The following FOXM1 variants were observed in gnomAD, a reference collection of about 807,000 sequenced individuals.
FOXM1 encodes forkhead box M1, also known as forkhead box protein M1.
FOXM1 carries 25 observed loss-of-function variants against 63.6 expected under a neutral mutation model. The ratio of observed to expected loss-of-function variants is 0.39; its 90% CI spans 0.29 to 0.55. The LOEUF (loss-of-function observed/expected upper bound fraction) is 0.55. Ranked by LOEUF, FOXM1 falls within the 20% of genes least tolerant of loss-of-function variation. The pLI, the probability that FOXM1 is intolerant of heterozygous loss-of-function variation, is 0.60. For missense variants in FOXM1, 879 were observed against 958.7 expected (o/e 0.92, Z 1.10); for synonymous variants, 387 against 376.9 (o/e 1.03, Z -0.31).
chr12:2,860,799 G>T (rs1242531781), intron 8 of FOXM1, among the ~76,000 whole-genome samples: 1 of 151,312 alleles, frequency 6.6e-6, no homozygotes, highest in Non-Finnish European at 1.5e-5. Flanking sequence ...TTGAACCCGG[G>T]AGGCAGAGGT....
At chr12:2,867,973 C>G (rs576340573) in intron 4 of FOXM1, among the ~76,000 whole-genome samples, 2 of 129,718 alleles carry the variant, frequency 1.5e-5, no homozygotes, top group East Asian at 4.2e-4. Flanking sequence ...GAGCGAGACT[C>G]TGTCTCAAAA....
At chr12:2,873,040 C>G (rs777929447) in intron 2 of FOXM1, among the ~76,000 whole-genome samples, 6 of 152,082 alleles carry the variant, frequency 3.9e-5, no homozygotes, top group Non-Finnish European at 7.4e-5. Context: ...GGTGACAGTG[C>G]GAGACCGCAT....
intron 3 of FOXM1, among the ~76,000 whole-genome samples, chr12:2,870,828 G>A (rs922594232): frequency 3.3e-5 from 5 of 151,732 alleles, no homozygotes; most frequent in Admixed American, 1.3e-4. Flanking sequence ...GCGTGGCAGC[G>A]GGCACCTGTA....
intron 1 of FOXM1, chr12:2,876,411 T>G (rs1253569823): frequency 6.6e-6 from 1 of 152,230 alleles, no homozygotes; most frequent in Non-Finnish European, 1.5e-5. Flanking sequence ...TGCCAACACT[T>G]TCTTGCCCGG....
chr12:2,862,721 T>G (rs1284204606), intron 8 of FOXM1, among the ~76,000 whole-genome samples: 6 of 151,740 alleles, frequency 4.0e-5, no homozygotes, highest in African/African-American at 7.3e-5. Flanking sequence ...TTTTTTTTTT[T>G]GTTACAGACA....
In FOXM1 at chr12:2,858,294, T is replaced by C. The variant is rs1289599658; in HGVS notation, c.*344A>G. On this transcript the variant is annotated 3_prime_UTR_variant, in exon 9 of 9. Transcript: ENST00000359843. ...ATTAGAGGATAATTTGGAGAATTTA[T>C]ACTATTTACACGGACCACCCTGCAA... 1 of 225,880 alleles carries C rather than the reference T, an allele frequency of 4.4e-6. No homozygotes were observed. The highest frequency in any genetic ancestry group is 2.3e-5 in the African/African-American group (1 of 44,196). The allele number at this position is 225,880 out of a possible 1,614,324, so 14.0% of individuals were successfully genotyped here.
rs192659481 is a variant in FOXM1, at chr12:2,861,240, C to T, written c.1267-1577G>A. On this transcript the variant is annotated intron_variant, in intron 8 of 8. Coordinates refer to ENST00000359843, the MANE Select transcript of FOXM1 (RefSeq NM_021953.4). ...AAAAATGGGCAATGTTCATAAATAA[C>T]CAATTCATAGAGGACAATTCCAAGT... 4.7e-4 allele frequency: 319 copies of T among 675,344 alleles called. 1 individual carries two copies. The African/African-American group carries it at 4.9e-3, about 10-fold the overall frequency. The allele number at this position is 675,344 out of a possible 1,614,324, so 41.8% of individuals were successfully genotyped here.
At chr12:2,862,699 TAAAAAAAAA>T (rs1334387915) in intron 8 of FOXM1, among the ~76,000 whole-genome samples, 2 of 144,252 alleles carry the variant, frequency 1.4e-5, no homozygotes, top group East Asian at 4.1e-4. Flanking sequence ...CCTGGCTAAT[TAAAAAAAAA>T]TTTTTTTTTT....
intron 2 of FOXM1, 141 bp downstream of exon 2, chr12:2,873,836 C>G (rs2098137430): frequency 5.2e-6 from 5 of 962,738 alleles, no homozygotes; most frequent in Non-Finnish European, 7.7e-6. Flanking sequence ...CCTCAGCCTC[C>G]CAAAGTGCTG....
At chr12:2,868,437 T>TA in intron 4 of FOXM1, 126 bp downstream of exon 4, 1 of 671,384 alleles carries the variant, frequency 1.5e-6, no homozygotes, top group Non-Finnish European at 2.5e-6. Flanking sequence ...ATCTAAAAGA[T>TA]ACATTTGTTT....
At position 2,874,099 on chromosome 12, in the gene FOXM1, G is replaced by T. The variant is rs1375790093; in HGVS notation, c.380C>A (p.Thr127Asn). Residue 127 changes from threonine to asparagine, a missense_variant, in exon 2 of 9, where the codon ACC becomes AAC. Transcript: ENST00000359843. This position sits in a 1 kb window ranked among gnomAD's most constrained non-coding sequence, Gnocchi z 4.3. Reference sequence around the variant, plus strand: ...TTCTGTCCTTTTGGCATCATAGCTGGTTTGGGTTTGAGGCCGGAGTCCTGG... The same window carrying T: ...TTCTGTCCTTTTGGCATCATAGCTGTTTTGGGTTTGAGGCCGGAGTCCTGG... ...QPPGLRPQTQ[T>N]SYDAKRTEVT... The T allele has an allele frequency of 1.2e-6, 2 of 1,614,184 alleles. No individual in the cohort carries two copies. Among genetic ancestry groups the T allele is most frequent in the Non-Finnish European group, 8.5e-7 (1 of 1,180,042 alleles).
chr12:2,865,357 A>AT lies in FOXM1; in HGVS notation c.1017dup (p.Ser340IlefsTer75). ...GAGCCAGAGGGAAAGAACCTTACTG[A>AT]TTCCAAGTGCTCGGGCAATTGTGGA... On this transcript the variant is annotated frameshift_variant, in exon 6 of 9. Transcript: ENST00000359843. LOFTEE classifies it high-confidence loss of function. 6.2e-7 allele frequency: 1 copy of AT among 1,610,582 alleles called. No homozygotes were observed. Among genetic ancestry groups the AT allele is most frequent in the Non-Finnish European group, 8.5e-7 (1 of 1,178,130 alleles).
intron 8 of FOXM1, chr12:2,863,750 C>T (rs1488601204): frequency 6.8e-6 from 1 of 148,100 alleles, no homozygotes; most frequent in Non-Finnish European, 1.5e-5. Context: ...CTCGCTCTGT[C>T]ACCCAGGCTG....
In FOXM1 at chr12:2,864,702, G is replaced by T; in HGVS notation, c.1071C>A (p.Thr357=). The T allele has an allele frequency of 1.2e-6, 2 of 1,614,148 alleles. No homozygotes were observed. The highest frequency in any genetic ancestry group is 2.2e-5 in the South Asian group (2 of 91,072). Reference sequence around the variant, plus strand: ...ACTAACGTGCGCCCAGGGGGAGTTCGGTTTTGATGGTCATGTTCCGGCGGA... The same window carrying T: ...ACTAACGTGCGCCCAGGGGGAGTTCTGTTTTGATGGTCATGTTCCGGCGGA... The part of the protein sequence containing the change: ...PELRRNMTIK[T]ELPLGARRKM... The change falls in exon 7 of 9, where the codon ACC becomes ACA. Residue 357 remains threonine (T), a synonymous_variant. Transcript: ENST00000359843. The surrounding 1 kb of genome is among the most constrained non-coding windows in gnomAD (Gnocchi z 5.1).
In FOXM1 at chr12:2,858,767, G is replaced by A; in HGVS notation, c.2163C>T (p.Gly721=). 1 of 1,614,224 alleles carries A rather than the reference G, an allele frequency of 6.2e-7. No homozygotes were observed. Among genetic ancestry groups the A allele is most frequent in the Middle Eastern group, 1.6e-4 (1 of 6,062 alleles). The change falls in exon 9 of 9, where the codon GGC becomes GGT. Residue 721 remains glycine (G), a synonymous_variant. Coordinates refer to ENST00000359843, the MANE Select transcript of FOXM1 (RefSeq NM_021953.4). The part of the protein sequence containing the change: ...GLAANRSLTE[G]LVLDTMNDSL... ...TGTCATTCATTGTGTCCAGGACCAG[G>A]CCTTCTGTCAGAGAACGATTGGCTG...
chr12:2,868,972 T>C (rs2098128345), intron 3 of FOXM1, among the ~76,000 whole-genome samples: 1 of 152,192 alleles, frequency 6.6e-6, no homozygotes, highest in East Asian at 1.9e-4. Context: ...GGTTTTGTCA[T>C]CCATCATTTT....
chr12:2,858,597 G>A lies in FOXM1; in HGVS notation c.*41C>T, dbSNP rs374706964. 123 of 1,572,396 alleles carry A rather than the reference G, an allele frequency of 7.8e-5. No individual in the cohort carries two copies. The highest frequency in any genetic ancestry group is 3.5e-4 in the Middle Eastern group (2 of 5,716). On this transcript the variant is annotated 3_prime_UTR_variant, in exon 9 of 9. Transcript: ENST00000359843. ...GGGTGCACTGAGCCTTGGAGTGCCC[G>A]GGATGGTGGACAGCTTGAGCACAGG...
In FOXM1 at chr12:2,872,472, G is replaced by A. The variant is rs768108137; in HGVS notation, c.503-225C>T. Among the ~76,000 whole-genome samples the A allele has an allele frequency of 2.0e-5, 3 of 152,168 alleles. No individual in the cohort carries two copies. The highest frequency in any genetic ancestry group is 4.4e-5 in the Non-Finnish European group (3 of 68,026). On this transcript the variant is annotated intron_variant, in intron 2 of 8. Coordinates refer to ENST00000359843, the MANE Select transcript of FOXM1 (RefSeq NM_021953.4). This position sits in a 1 kb window ranked among gnomAD's most constrained non-coding sequence, Gnocchi z 4.0. Reference sequence around the variant, plus strand: ...TAAAAATACAAAATTAGCTGGGTGTGGTGGCACACGCCTGTAGTCCCAGCT... The same window carrying A: ...TAAAAATACAAAATTAGCTGGGTGTAGTGGCACACGCCTGTAGTCCCAGCT...
intron 8 of FOXM1, among the ~76,000 whole-genome samples, chr12:2,863,402 C>G (rs111597019): frequency 0.015 from 2,357 of 152,128 alleles, 29 homozygotes; most frequent in Non-Finnish European, 0.026. Flanking sequence ...TTTTTCTTTT[C>G]TTTTTTGAGA....
Sources: gnomAD v4.1 joint callset for allele counts (sites outside exome capture counted in the v4.1 genomes callset) on GRCh38, gnomAD v4.1.1 for gene constraint, Gnocchi (gnomAD v3.1) non-coding constraint, MANE v1.5 for transcripts, NCBI Gene and HGNC (gene_info 2026-07-23, HGNC 2026-07-21) for gene names.